Variants in YTHDF3 observed in about 807,000 individuals in gnomAD.
YTHDF3 encodes the protein YTH domain-containing family protein 3.
YTHDF3 carries 9 observed loss-of-function variants against 52.5 expected under a neutral mutation model. The ratio of observed to expected loss-of-function variants is 0.17; its 90% CI spans 0.10 to 0.30. YTHDF3 has a LOEUF of 0.30. Ranked by LOEUF, YTHDF3 falls within the 10% of genes least tolerant of loss-of-function variation. The pLI, the probability that YTHDF3 is intolerant of heterozygous loss-of-function variation, is 1.00. For synonymous variants in YTHDF3, 274 were observed against 243.3 expected, an observed-to-expected ratio of 1.13 and a Z score of -1.18; for missense variants, 534 against 715.0, an observed-to-expected ratio of 0.75 and a Z score of 2.89.
At chr8:63,189,715 A>G (rs974525398) in intron 4 of YTHDF3, among the ~76,000 whole-genome samples, 1 of 152,200 alleles carries the variant, frequency 6.6e-6, no homozygotes, top group African/African-American at 2.4e-5. Flanking sequence ...TTGAAATTGC[A>G]GATTCTCGAG....
At chr8:63,195,900 C>T (rs1809207433) in intron 4 of YTHDF3, among the ~76,000 whole-genome samples, 1 of 152,032 alleles carries the variant, frequency 6.6e-6, no homozygotes, top group Non-Finnish European at 1.5e-5. Flanking sequence ...TTTCCAGGCT[C>T]AGGTGATTCT....
At chr8:63,184,215 A>G (rs1238867038) in intron 3 of YTHDF3, among the ~76,000 whole-genome samples, 1 of 152,250 alleles carries the variant, frequency 6.6e-6, no homozygotes, top group African/African-American at 2.4e-5. Flanking sequence ...AAACCAACAT[A>G]GTCTGTCAAG....
chr8:63,182,234 ATTT>A (rs11348989), intron 3 of YTHDF3, among the ~76,000 whole-genome samples: 7 of 111,690 alleles, frequency 6.3e-5, no homozygotes, highest in African/African-American at 1.3e-4. Context: ...TGCCTGGCTA[ATTT>A]TTTTTTTTTT....
intron 4 of YTHDF3, among the ~76,000 whole-genome samples, chr8:63,201,748 A>G (rs916818316): frequency 1.3e-5 from 2 of 152,272 alleles, no homozygotes; most frequent in African/African-American, 4.8e-5. Context: ...GTGAAAATCT[A>G]CAATTAGAGA....
rs545707272 is a variant in YTHDF3 at position 63,173,202 on chromosome 8, T to TTATATATA, written c.50-2124_50-2117dup. On this transcript the variant is annotated intron_variant, in intron 2 of 4. Transcript: ENST00000539294. ...AAAAATAAGAATAACAGGATTATAT[T>TTATATATA]TATATATATATACAGATAAATTTTA... Among the ~76,000 whole-genome samples, 477 of 125,912 alleles carry TTATATATA rather than the reference T, an allele frequency of 3.8e-3. 25 individuals are homozygous for TTATATATA. Among genetic ancestry groups the TTATATATA allele is most frequent in the African/African-American group, 0.018 (437 of 24,800 alleles). 82.6% of individuals were successfully genotyped at this position (125,912 alleles called of 152,430 possible).
intron 3 of YTHDF3, among the ~76,000 whole-genome samples, chr8:63,180,167 C>A (rs1808012294): frequency 6.6e-6 from 1 of 151,676 alleles, no homozygotes; most frequent in Admixed American, 6.6e-5. Flanking sequence ...AGGGGCTCCT[C>A]ACTTCTCAGA....
intron 2 of YTHDF3, among the ~76,000 whole-genome samples, chr8:63,171,743 A>G (rs1284601100): frequency 6.6e-6 from 1 of 152,188 alleles, no homozygotes; most frequent in East Asian, 1.9e-4. Context: ...TATTCTAAAT[A>G]TGAGTAATCT....
rs1318473036 is a variant in YTHDF3, at chr8:63,211,238, A to T, written c.*1532A>T. 1 of 152,514 alleles carries T rather than the reference A, an allele frequency of 6.6e-6. No individual in the cohort carries two copies. Among genetic ancestry groups the T allele is most frequent in the Non-Finnish European group, 1.5e-5 (1 of 67,958 alleles). 9.4% of individuals were successfully genotyped at this position (152,514 alleles called of 1,614,324 possible). ...TACTGTATTCAAGTGAAAAAAATAC[A>T]GTATTTGTAGATAACCATAGCTACT... On this transcript the variant is annotated 3_prime_UTR_variant, in exon 5 of 5. Coordinates refer to ENST00000539294, the MANE Select transcript of YTHDF3 (RefSeq NM_152758.6).
chr8:63,173,095 A>T (rs1807433638), intron 2 of YTHDF3, among the ~76,000 whole-genome samples: 1 of 151,504 alleles, frequency 6.6e-6, no homozygotes, highest in South Asian at 2.1e-4. Flanking sequence ...TGCATCATTT[A>T]AAAATGACCG....
At chr8:63,202,185 G>C (rs1809682514) in intron 4 of YTHDF3, among the ~76,000 whole-genome samples, 2 of 152,202 alleles carry the variant, frequency 1.3e-5, no homozygotes, top group African/African-American at 4.8e-5. Context: ...AATCTGAAGA[G>C]TGGATTTCCA....
At chr8:63,203,117 C>G (rs1246048114) in intron 4 of YTHDF3, among the ~76,000 whole-genome samples, 1 of 151,894 alleles carries the variant, frequency 6.6e-6, no homozygotes, top group Non-Finnish European at 1.5e-5. Flanking sequence ...TGGCAGACGC[C>G]TGTGATCCCA....
intron 4 of YTHDF3, among the ~76,000 whole-genome samples, chr8:63,189,703 T>G (rs976098369): frequency 6.6e-6 from 1 of 152,212 alleles, no homozygotes; most frequent in Non-Finnish European, 1.5e-5. Flanking sequence ...TTGGGGTGTT[T>G]ATTGAAATTG....
At position 63,210,253 on chromosome 8, in the gene YTHDF3, C is replaced by G. The variant is rs1563417683; in HGVS notation, c.*547C>G. The G allele has an allele frequency of 6.5e-6, 1 of 152,744 alleles. No individual in the cohort carries two copies. The highest frequency in any genetic ancestry group is 1.5e-5 in the Non-Finnish European group (1 of 68,124). 9.5% of individuals were successfully genotyped at this position (152,744 alleles called of 1,614,324 possible). A position where few individuals can be genotyped will look rare whatever the true frequency, so the allele number is the denominator to read the frequency against. ...TAATATGGCAAAGCAACCTTAAGCT[C>G]TATTTTAGCCAAATGAAACATAATC... is the stretch of plus-strand genomic sequence containing the variant. On this transcript the variant is annotated 3_prime_UTR_variant, in exon 5 of 5. Transcript: ENST00000539294.
chr8:63,182,078 A>ATT (rs201834047), intron 3 of YTHDF3, among the ~76,000 whole-genome samples: 3 of 149,122 alleles, frequency 2.0e-5, no homozygotes, highest in African/African-American at 2.5e-5. Flanking sequence ...TTTTTTTTAA[A>ATT]TTTTTTTTTT....
At chr8:63,172,534 C>T (rs1807397710) in intron 2 of YTHDF3, 1 of 385,646 alleles carries the variant, frequency 2.6e-6, no homozygotes, top group Non-Finnish European at 4.6e-6. Flanking sequence ...CTCTCCTCGT[C>T]CTCCCGAGAA....
chr8:63,183,347 C>T (rs559072741), intron 3 of YTHDF3, among the ~76,000 whole-genome samples: 2 of 151,920 alleles, frequency 1.3e-5, no homozygotes, highest in East Asian at 3.9e-4. Context: ...TTTTTTTAAT[C>T]ACAGTGACTT....
chr8:63,209,221 G>GTAA lies in YTHDF3; in HGVS notation c.1735-461_1735-459dup, dbSNP rs373102214. On this transcript the variant is annotated intron_variant, in intron 4 of 4. Coordinates refer to ENST00000539294, the MANE Select transcript of YTHDF3 (RefSeq NM_152758.6). ...TCTATCGTGTGCTGAAAGAGAGAGT[G>GTAA]TAAGATACTCTCTTTGTGATTTAAA... 5.3e-5 allele frequency among the ~76,000 whole-genome samples: 8 copies of GTAA among 152,246 alleles called. No homozygotes were observed. The East Asian group carries it at 1.3e-3, about 26-fold the overall frequency.
At chr8:63,204,586 T>G (rs1314093601) in intron 4 of YTHDF3, among the ~76,000 whole-genome samples, 1 of 152,200 alleles carries the variant, frequency 6.6e-6, no homozygotes, top group African/African-American at 2.4e-5. Flanking sequence ...GGTCTCGAAC[T>G]CCTCACCTCA....
At chr8:63,169,681 GT>G (rs1807157027) in intron 2 of YTHDF3, among the ~76,000 whole-genome samples, 1 of 152,142 alleles carries the variant, frequency 6.6e-6, no homozygotes. Context: ...TATTTCTTTG[GT>G]TTTCCAGTTT....
Sources: allele counts gnomAD v4.1 joint callset (sites outside exome capture counted in the v4.1 genomes callset), GRCh38; gene constraint gnomAD v4.1.1; transcripts MANE v1.5; gene names NCBI Gene and HGNC (gene_info 2026-07-23, HGNC 2026-07-21).